Variants in ZNF90 observed in about 807,000 individuals in gnomAD.
ZNF90 encodes zinc finger protein 90.
ZNF90 carries 11 observed loss-of-function variants against 12.0 expected under a neutral mutation model. The ratio of observed to expected loss-of-function variants is 0.92; its 90% confidence interval spans 0.58 to 1.52. The LOEUF (loss-of-function observed/expected upper bound fraction) is 1.52, where lower values mean the gene tolerates loss of function less well. Among genes scored for constraint, ZNF90 ranks in the 40% most tolerant of loss-of-function variants. The probability of loss-of-function intolerance (pLI) is 0.00; values close to 1 mark genes in which losing one functional copy is unlikely to be tolerated. For synonymous variants in ZNF90, 232 were observed against 240.1 expected (o/e 0.97, Z 0.31); for missense variants, 765 against 711.5 (o/e 1.08, Z -0.86).
chr19:20,119,110 A>C lies in ZNF90; in HGVS notation c.1556A>C (p.Lys519Thr). 6.2e-7 allele frequency: 1 copy of C among 1,612,978 alleles called. No homozygotes were observed. The highest frequency in any genetic ancestry group is 1.7e-5 in the Admixed American group (1 of 59,782). The stretch of plus-strand genomic sequence containing the variant: ...TGTGAAGAATGTGGCAAAGCCTTCA[A>C]GCGCTCCTCAGTCCTTAGTAAACAT... ...YKCEECGKAF[K>T]RSSVLSKHKI... The change falls in exon 4 of 4, where the codon AAG becomes ACG. Residue 519 changes from lysine to threonine, a missense_variant. Physicochemically the swap from Lys to Thr is moderately conservative, Grantham distance 78. Transcript: ENST00000418063.
rs782736424 is a variant in ZNF90, at chr19:20,119,222, G to C, written c.1668G>C (p.Lys556Asn). 1.9e-6 allele frequency: 3 copies of C among 1,613,774 alleles called. No homozygotes were observed. The Admixed American group carries it at 5.0e-5, about 27-fold the overall frequency. ...FKRSSQLTSH[K>N]ISHTGEKPYK... ...GCTCCTCACAGCTTACTAGTCATAA[G>C]ATAAGTCATACTGGAGAGAAACCCT... Residue 556 changes from lysine (K) to asparagine (N), a missense_variant, in exon 4 of 4, where the codon AAG (lysine) becomes AAC (asparagine). Physicochemically the swap from Lys to Asn is moderately conservative, Grantham distance 94 (BLOSUM62 0). Coordinates refer to ENST00000418063, the MANE Select transcript of ZNF90 (RefSeq NM_007138.2).
intron 1 of ZNF90, among the ~76,000 whole-genome samples, chr19:20,092,495 G>A (rs1555702828): frequency 1.3e-5 from 2 of 152,146 alleles, no homozygotes; most frequent in African/African-American, 4.8e-5. Context: ...TAGAATAGGG[G>A]CAGTCTCTAA....
chr19:20,085,291 G>T, intron 1 of ZNF90, among the ~76,000 whole-genome samples: 1 of 51,664 alleles, frequency 1.9e-5, no homozygotes, highest in East Asian at 1.8e-3. Flanking sequence ...ACGGAGTCTC[G>T]CTCTTTGGCC....
chr19:20,088,466 G>A (rs781336093), intron 1 of ZNF90, among the ~76,000 whole-genome samples: 53 of 152,278 alleles, frequency 3.5e-4, no homozygotes, highest in Non-Finnish European at 7.2e-4. Context: ...GGGTATTAAA[G>A]GACTAAGAAT....
intron 1 of ZNF90, among the ~76,000 whole-genome samples, chr19:20,081,126 A>T (rs1219837683): frequency 6.6e-6 from 1 of 152,174 alleles, no homozygotes; most frequent in Non-Finnish European, 1.5e-5. Flanking sequence ...CACACACACT[A>T]GACATAGACG....
At chr19:20,080,232 G>A (rs2088809714) in intron 1 of ZNF90, 1 of 582,616 alleles carries the variant, frequency 1.7e-6, no homozygotes, top group Non-Finnish European at 3.4e-6. Context: ...TGCTGTTGAT[G>A]AGCACGATGC....
chr19:20,119,295 A>G lies in ZNF90; in HGVS notation c.1741A>G (p.Asn581Asp). 1 of 1,612,276 alleles carries G rather than the reference A, an allele frequency of 6.2e-7. No homozygotes were observed. The change falls in exon 4 of 4, where the codon AAT (asparagine) becomes GAT (aspartate). Residue 581 changes from asparagine to aspartate, a missense_variant. Transcript: ENST00000418063. ...AGCTTTTAACTTGTCCTCAGACCTT[A>G]ATACACATAAGAGGATTCATATTGG... ...GKAFNLSSDL[N>D]THKRIHIGQK...
At chr19:20,094,140 T>G (rs2088924203) in intron 1 of ZNF90, among the ~76,000 whole-genome samples, 1 of 152,224 alleles carries the variant, frequency 6.6e-6, no homozygotes, top group South Asian at 2.1e-4. Context: ...GGCTTAGGCA[T>G]TCTGAAGTTC....
intron 1 of ZNF90, among the ~76,000 whole-genome samples, chr19:20,100,097 C>T (rs1555703699): frequency 2.0e-5 from 3 of 152,054 alleles, no homozygotes; most frequent in African/African-American, 7.2e-5. Flanking sequence ...TGGGGTAATC[C>T]CCTCCAGGAA....
chr19:20,104,400 C>T, intron 2 of ZNF90, 35 bp downstream of exon 2: 1 of 1,556,156 alleles, frequency 6.4e-7, no homozygotes, highest in East Asian at 2.3e-5. Context: ...TCATAATATA[C>T]CCTAAAGGTT....
At position 20,112,055 on chromosome 19, in the gene ZNF90, C is replaced by T. The variant is rs1369171294; in HGVS notation, c.227-5726C>T. ...TGTATTTTTAGTAGAGAGAGCGTTT[C>T]ACAATGTTGGCCAGGCTGGTCGCAA... On this transcript the variant is annotated intron_variant, in intron 3 of 3. Transcript: ENST00000418063. Among the ~76,000 whole-genome samples the T allele has an allele frequency of 2.0e-5, 3 of 152,080 alleles. No individual in the cohort carries two copies. The East Asian group carries it at 5.8e-4, about 29-fold the overall frequency.
chr19:20,104,334 G>T lies in ZNF90; in HGVS notation c.99G>T (p.Met33Ile), dbSNP rs1555704167. 2 of 1,613,954 alleles carry T rather than the reference G, an allele frequency of 1.2e-6. No individual in the cohort carries two copies. The highest frequency in any genetic ancestry group is 1.3e-5 in the African/African-American group (1 of 74,926). The change falls in exon 2 of 4, where the codon ATG (methionine) becomes ATT (isoleucine). Residue 33 changes from methionine to isoleucine, a missense_variant. Transcript: ENST00000418063. ...AGCAGAATTTATATAGGGATGTGAT[G>T]TTAGAGAACTACAGACACCTGGTCT... is the stretch of plus-strand genomic sequence containing the variant. Reference protein sequence around the residue: ...TAQQNLYRDVMLENYRHLVFL... With the variant: ...TAQQNLYRDVILENYRHLVFL...
chr19:20,078,259 G>T (rs1333869989), intron 1 of ZNF90, 124 bp downstream of exon 1: 7 of 1,281,940 alleles, frequency 5.5e-6, no homozygotes, highest in Admixed American at 3.9e-5. Context: ...ACTTCTCCTT[G>T]CCCAGTTCGG....
intron 1 of ZNF90, among the ~76,000 whole-genome samples, chr19:20,080,775 T>TG (rs902562699): frequency 1.3e-5 from 2 of 152,172 alleles, no homozygotes; most frequent in Admixed American, 1.3e-4. Flanking sequence ...GACAATGTTG[T>TG]GGGACTGAGC....
At chr19:20,096,226 G>T (rs12984559) in intron 1 of ZNF90, among the ~76,000 whole-genome samples, 17,934 of 152,108 alleles carry the variant, frequency 0.12, 1,361 homozygotes, top group Non-Finnish European at 0.17. Flanking sequence ...TGGGCTGGTC[G>T]GTCTGAGGAC....
At chr19:20,081,443 T>C (rs2088818817) in intron 1 of ZNF90, among the ~76,000 whole-genome samples, 1 of 152,120 alleles carries the variant, frequency 6.6e-6, no homozygotes, top group South Asian at 2.1e-4. Flanking sequence ...CACCTTGCCC[T>C]CCCAAAGTGC....
At chr19:20,106,576 C>T (rs1395458602) in intron 3 of ZNF90, among the ~76,000 whole-genome samples, 1 of 152,194 alleles carries the variant, frequency 6.6e-6, no homozygotes, top group Non-Finnish European at 1.5e-5. Flanking sequence ...GCCTCAGCTT[C>T]CCGAGTAGCT....
chr19:20,105,627 C>G (rs2089029801), intron 3 of ZNF90, among the ~76,000 whole-genome samples: 1 of 152,134 alleles, frequency 6.6e-6, no homozygotes, highest in Non-Finnish European at 1.5e-5. Context: ...GTCTTGGGGA[C>G]ACAGAAATAT....
intron 1 of ZNF90, among the ~76,000 whole-genome samples, chr19:20,086,529 A>G (rs2088861252): frequency 6.6e-6 from 1 of 152,000 alleles, no homozygotes; most frequent in South Asian, 2.1e-4. Context: ...AGCCATAAAC[A>G]GTATTTTCTA....
Sources: gnomAD v4.1 joint callset for allele counts (sites outside exome capture counted in the v4.1 genomes callset) on GRCh38, gnomAD v4.1.1 for gene constraint, MANE v1.5 for transcripts, NCBI Gene and HGNC (gene_info 2026-07-23, HGNC 2026-07-21) for gene names.